ZNF654: variants seen among roughly 807,000 people sequenced by gnomAD.
ZNF654 encodes the protein melanoma-associated antigen.
A neutral mutation model predicts 95.3 loss-of-function variants in ZNF654; 19 were observed. That is an observed-to-expected ratio of 0.20 (90% confidence interval 0.14 to 0.29). ZNF654 has a LOEUF of 0.29. Among genes scored for constraint, ZNF654 ranks in the 10% least tolerant of loss-of-function variants. The pLI, the probability that ZNF654 is intolerant of heterozygous loss-of-function variation, is 1.00. For synonymous variants in ZNF654, 413 were observed against 457.9 expected, an observed-to-expected ratio of 0.90 and a Z score of 1.25; for missense variants, 1,046 against 1,341.0, an observed-to-expected ratio of 0.78 and a Z score of 3.44.
At chr3:88,067,378 C>G (rs993284628) in intron 1 of ZNF654, among the ~76,000 whole-genome samples, 1 of 152,146 alleles carries the variant, frequency 6.6e-6, no homozygotes, top group African/African-American at 2.4e-5. Flanking sequence ...CTGGACTTAA[C>G]AGAAGCCAGA....
intron 1 of ZNF654, among the ~76,000 whole-genome samples, chr3:88,082,804 C>T (rs574506646): frequency 3.9e-5 from 6 of 152,098 alleles, no homozygotes; most frequent in African/African-American, 9.7e-5. Flanking sequence ...ATTACTTAGG[C>T]TGCCATAGGA....
Position 88,107,328 on chromosome 3 carries a change from C to T in ZNF654, c.333-5787C>T, listed in dbSNP as rs554672070. 7.2e-5 allele frequency among the ~76,000 whole-genome samples: 11 copies of T among 152,224 alleles called. No individual in the cohort carries two copies. The South Asian group carries it at 1.7e-3, about 23-fold the overall frequency. ...ATTAGTACTTCAAATTGTCAAAATTCGTTAGCCTATATATTTACTGATTTG... is the reference window on the plus strand; with the variant it reads ...ATTAGTACTTCAAATTGTCAAAATTTGTTAGCCTATATATTTACTGATTTG... On this transcript the variant is annotated intron_variant, in intron 2 of 8. Coordinates refer to ENST00000636215, the MANE Select transcript of ZNF654 (RefSeq NM_001350134.2).
At chr3:88,081,588 G>A (rs748382115) in intron 1 of ZNF654, among the ~76,000 whole-genome samples, 3 of 152,104 alleles carry the variant, frequency 2.0e-5, no homozygotes, top group Non-Finnish European at 4.4e-5. Context: ...TTAATTTATT[G>A]TATGGATTAA....
chr3:88,060,802 C>T (rs1706833125), intron 1 of ZNF654, among the ~76,000 whole-genome samples: 2 of 151,766 alleles, frequency 1.3e-5, no homozygotes, highest in African/African-American at 4.8e-5. Flanking sequence ...GAATTTCTTT[C>T]AATGCTTGTA....
chr3:88,064,205 C>A (rs1707065259), intron 1 of ZNF654, among the ~76,000 whole-genome samples: 1 of 151,668 alleles, frequency 6.6e-6, no homozygotes, highest in East Asian at 1.9e-4. Flanking sequence ...CTATCACTGG[C>A]AACTCTTTCA....
intron 4 of ZNF654, among the ~76,000 whole-genome samples, chr3:88,128,098 C>T (rs1706226102): frequency 6.6e-6 from 1 of 152,044 alleles, no homozygotes; most frequent in Non-Finnish European, 1.5e-5. Flanking sequence ...GTCATTTGAC[C>T]TCTCTGAGAC....
chr3:88,116,986 T>TA (rs748760274), intron 3 of ZNF654, among the ~76,000 whole-genome samples: 2 of 152,284 alleles, frequency 1.3e-5, no homozygotes, highest in East Asian at 1.9e-4. Context: ...TAAGACAGTT[T>TA]AAAAAAATTT....
chr3:88,123,447 AT>A (rs1205542101), intron 3 of ZNF654, among the ~76,000 whole-genome samples: 1 of 152,172 alleles, frequency 6.6e-6, no homozygotes, highest in East Asian at 1.9e-4. Context: ...TAATGTAATC[AT>A]TTATGGGAGT....
intron 1 of ZNF654, among the ~76,000 whole-genome samples, chr3:88,059,841 T>C (rs1013175322): frequency 2.0e-5 from 3 of 152,268 alleles, no homozygotes; most frequent in South Asian, 2.1e-4. Context: ...GCCTTTCTTA[T>C]GTTTCCTACC....
intron 2 of ZNF654, among the ~76,000 whole-genome samples, chr3:88,110,427 C>A (rs1705018127): frequency 6.6e-6 from 1 of 152,020 alleles, no homozygotes; most frequent in Admixed American, 6.6e-5. Context: ...TCCAGTAATA[C>A]CTTATATATT....
chr3:88,097,783 A>G (rs1322389796), intron 2 of ZNF654, among the ~76,000 whole-genome samples: 1 of 152,216 alleles, frequency 6.6e-6, no homozygotes, highest in Non-Finnish European at 1.5e-5. Flanking sequence ...TTTGAAACCA[A>G]TGAGAACAAA....
At chr3:88,141,149 T>A in intron 8 of ZNF654, 101 bp downstream of exon 8, 2 of 1,331,938 alleles carry the variant, frequency 1.5e-6, no homozygotes, top group Non-Finnish European at 1.0e-6. Flanking sequence ...GATATTTGTG[T>A]AGCACAGGTA....
chr3:88,110,740 C>T (rs1472146372), intron 2 of ZNF654, among the ~76,000 whole-genome samples: 1 of 152,064 alleles, frequency 6.6e-6, no homozygotes, highest in Admixed American at 6.6e-5. Flanking sequence ...TTTATACAGT[C>T]AATAGGAAAT....
chr3:88,110,527 A>G (rs1489308191), intron 2 of ZNF654, among the ~76,000 whole-genome samples: 2 of 152,098 alleles, frequency 1.3e-5, no homozygotes, highest in African/African-American at 2.4e-5. Flanking sequence ...CTAACCATTC[A>G]TTTCTCATGT....
At chr3:88,135,796 T>C (rs977254889) in intron 7 of ZNF654, among the ~76,000 whole-genome samples, 10 of 152,068 alleles carry the variant, frequency 6.6e-5, no homozygotes, top group East Asian at 1.9e-4. Flanking sequence ...TTTTAGTTTT[T>C]CCCCCAAAAT....
chr3:88,064,353 A>G (rs114301964), intron 1 of ZNF654, among the ~76,000 whole-genome samples: 85 of 152,222 alleles, frequency 5.6e-4, no homozygotes, highest in African/African-American at 1.8e-3. Flanking sequence ...CATGTTCACT[A>G]TGTACACTTT....
chr3:88,126,976 C>A (rs1180375415), intron 4 of ZNF654, among the ~76,000 whole-genome samples: 2 of 152,140 alleles, frequency 1.3e-5, no homozygotes, highest in African/African-American at 2.4e-5. Context: ...CCTTTCAAGG[C>A]AGGAGGCTTT....
intron 2 of ZNF654, among the ~76,000 whole-genome samples, chr3:88,105,387 A>G (rs1173937993): frequency 6.6e-6 from 1 of 152,046 alleles, no homozygotes; most frequent in Non-Finnish European, 1.5e-5. Context: ...AATTCTATGA[A>G]TTTTGTTGTG....
chr3:88,092,360 ATAT>A (rs1703792170), intron 2 of ZNF654, among the ~76,000 whole-genome samples: 1 of 152,228 alleles, frequency 6.6e-6, no homozygotes, highest in African/African-American at 2.4e-5. Flanking sequence ...GAGCTAAGAG[ATAT>A]TATATTAAAC....
Sources: gnomAD v4.1 joint callset for allele counts (sites outside exome capture counted in the v4.1 genomes callset) on GRCh38, gnomAD v4.1.1 for gene constraint, MANE v1.5 for transcripts, NCBI Gene and HGNC (gene_info 2026-07-23, HGNC 2026-07-21) for gene names.